ATRNL1: variants seen among roughly 807,000 people sequenced by gnomAD.
The protein encoded by ATRNL1 is attractin like 1.
A neutral mutation model predicts 182.7 loss-of-function variants in ATRNL1; 95 were observed. The ratio of observed to expected loss-of-function variants is 0.52; its 90% confidence interval spans 0.44 to 0.62. The LOEUF (loss-of-function observed/expected upper bound fraction) is 0.62. Ranked by LOEUF, ATRNL1 falls within the 20% of genes least tolerant of loss-of-function variation. The pLI is 0.00. For synonymous variants in ATRNL1, 576 were observed against 568.3 expected, an observed-to-expected ratio of 1.01 and a Z score of -0.19; for missense variants, 1,471 against 1,679.5, an observed-to-expected ratio of 0.88 and a Z score of 2.17.
intron 10 of ATRNL1, among the ~76,000 whole-genome samples, chr10:115,254,594 C>G (rs1554906260): frequency 5.9e-5 from 9 of 152,110 alleles, no homozygotes; most frequent in Non-Finnish European, 1.0e-4. Context: ...GTTGCCTGTT[C>G]ACTCTGATGG....
At chr10:115,470,524 G>T (rs1554971907) in intron 24 of ATRNL1, among the ~76,000 whole-genome samples, 3 of 150,296 alleles carry the variant, frequency 2.0e-5, no homozygotes, top group African/African-American at 7.3e-5. Flanking sequence ...AGGGAAAAGG[G>T]TTCATCTATA....
At chr10:115,335,888 G>A (rs1554936534) in intron 19 of ATRNL1, among the ~76,000 whole-genome samples, 1 of 152,096 alleles carries the variant, frequency 6.6e-6, no homozygotes, top group Non-Finnish European at 1.5e-5. Context: ...CACAGATGTG[G>A]AACCCATGGG....
At chr10:115,221,874 ATACTT>A (rs1333948954) in intron 9 of ATRNL1, among the ~76,000 whole-genome samples, 16 of 152,110 alleles carry the variant, frequency 1.1e-4, no homozygotes, top group African/African-American at 3.9e-4. Flanking sequence ...TAAAAAGTAA[ATACTT>A]TATTGAGTGA....
At chr10:115,190,978 T>G (rs1554889731) in intron 8 of ATRNL1, among the ~76,000 whole-genome samples, 2 of 152,146 alleles carry the variant, frequency 1.3e-5, no homozygotes, top group African/African-American at 4.8e-5. Context: ...GATATTTGTC[T>G]TTCTGTGCCT....
intron 26 of ATRNL1, among the ~76,000 whole-genome samples, chr10:115,690,669 G>A (rs1946362000): frequency 6.6e-6 from 1 of 152,160 alleles, no homozygotes; most frequent in Admixed American, 6.5e-5. Context: ...TGGGGCTCAT[G>A]GGATGTAGAG....
intron 5 of ATRNL1, among the ~76,000 whole-genome samples, chr10:115,143,037 T>C (rs1203555433): frequency 6.6e-6 from 1 of 152,162 alleles, no homozygotes; most frequent in East Asian, 1.9e-4. Context: ...TGGAAATTGA[T>C]GGAGAGAGAT....
In ATRNL1 at chr10:115,377,544, A is replaced by G. The variant is rs148669859; in HGVS notation, c.3176-17115A>G. On this transcript the variant is annotated intron_variant, in intron 19 of 28. Transcript: ENST00000355044. The stretch of plus-strand genomic sequence containing the variant: ...CATTATTTTGAATTCTTTTTCAGGC[A>G]ATTTGTATTTCTCCACTTTTGGGCG... Among the ~76,000 whole-genome samples, 5 of 152,034 alleles carry G rather than the reference A, an allele frequency of 3.3e-5. 1 individual carries two copies. Among genetic ancestry groups the G allele is most frequent in the Admixed American group, 2.6e-4 (4 of 15,268 alleles).
intron 24 of ATRNL1, among the ~76,000 whole-genome samples, chr10:115,491,370 C>A (rs1420308507): frequency 6.6e-6 from 1 of 152,070 alleles, no homozygotes; most frequent in Non-Finnish European, 1.5e-5. Flanking sequence ...GGTGCTCTGT[C>A]CCAGGGAGAT....
intron 9 of ATRNL1, among the ~76,000 whole-genome samples, chr10:115,240,072 G>C (rs782620483): frequency 6.6e-6 from 1 of 152,016 alleles, no homozygotes; most frequent in Non-Finnish European, 1.5e-5. Context: ...ATTATCTATT[G>C]CCATAGACTA....
intron 19 of ATRNL1, among the ~76,000 whole-genome samples, chr10:115,337,781 C>G (rs1246246230): frequency 6.6e-6 from 1 of 151,970 alleles, no homozygotes; most frequent in African/African-American, 2.4e-5. Flanking sequence ...TTTCTTTATC[C>G]ATTCATCTGT....
chr10:115,502,079 C>G (rs1388766502), intron 24 of ATRNL1, among the ~76,000 whole-genome samples: 2 of 151,968 alleles, frequency 1.3e-5, no homozygotes, highest in East Asian at 3.9e-4. Flanking sequence ...CTGTGGCACA[C>G]AATAATTTAA....
At chr10:115,717,265 G>A in intron 26 of ATRNL1, among the ~76,000 whole-genome samples, 1 of 152,048 alleles carries the variant, frequency 6.6e-6, no homozygotes, top group East Asian at 1.9e-4. Context: ...TTTGTTCCAG[G>A]CTAATTCTAA....
chr10:115,570,192 G>A (rs1288226133), intron 26 of ATRNL1, among the ~76,000 whole-genome samples: 1 of 152,134 alleles, frequency 6.6e-6, no homozygotes, highest in Non-Finnish European at 1.5e-5. Context: ...TCAAACTCCT[G>A]ACCTTGTGCT....
intron 26 of ATRNL1, among the ~76,000 whole-genome samples, chr10:115,713,415 A>C (rs1279603596): frequency 6.9e-6 from 1 of 143,968 alleles, no homozygotes; most frequent in Non-Finnish European, 1.5e-5. Context: ...AATGCGGAGA[A>C]AAACAAAACA....
chr10:115,531,089 T>A (rs1350914055), intron 25 of ATRNL1, among the ~76,000 whole-genome samples: 1 of 151,878 alleles, frequency 6.6e-6, no homozygotes, highest in East Asian at 1.9e-4. Context: ...AATAAACATA[T>A]GTGTGCATGT....
At chr10:115,566,505 A>G (rs1185021332) in intron 26 of ATRNL1, among the ~76,000 whole-genome samples, 1 of 152,144 alleles carries the variant, frequency 6.6e-6, no homozygotes, top group African/African-American at 2.4e-5. Flanking sequence ...ATTGTTTTCT[A>G]TGTAGAATGT....
chr10:115,687,366 A>G (rs782224360), intron 26 of ATRNL1, among the ~76,000 whole-genome samples: 4 of 151,986 alleles, frequency 2.6e-5, no homozygotes, highest in African/African-American at 4.8e-5. Flanking sequence ...GCCATGTAGC[A>G]TTTGCCCTTT....
chr10:115,758,911 GTACTTTA>G (rs1188080292), intron 27 of ATRNL1, among the ~76,000 whole-genome samples: 1 of 152,148 alleles, frequency 6.6e-6, no homozygotes, highest in African/African-American at 2.4e-5. Context: ...GCTTATTTTT[GTACTTTA>G]TAGAGTAGAT....
At chr10:115,739,155 A>G (rs1948067054) in intron 27 of ATRNL1, among the ~76,000 whole-genome samples, 1 of 152,188 alleles carries the variant, frequency 6.6e-6, no homozygotes, top group Non-Finnish European at 1.5e-5. Flanking sequence ...TGTCTGACAT[A>G]ATAAATAGAA....
Sources: allele counts gnomAD v4.1 joint callset (sites outside exome capture counted in the v4.1 genomes callset), GRCh38; gene constraint gnomAD v4.1.1; transcripts MANE v1.5; gene names NCBI Gene and HGNC (gene_info 2026-07-23, HGNC 2026-07-21).